The following WNT7A variants were observed in gnomAD, a reference collection of about 807,000 sequenced individuals.
The protein encoded by WNT7A is protein Wnt-7a.
WNT7A carries 16 observed loss-of-function variants against 28.2 expected under a neutral mutation model. The ratio of observed to expected loss-of-function variants is 0.57; its 90% CI spans 0.38 to 0.86. The LOEUF (loss-of-function observed/expected upper bound fraction) is 0.86. Ranked by LOEUF, WNT7A falls within the 40% of genes least tolerant of loss-of-function variation. The probability of loss-of-function intolerance (pLI) is 0.00; values close to 1 mark genes in which losing one functional copy is unlikely to be tolerated. For synonymous variants in WNT7A, 190 were observed against 195.9 expected (o/e 0.97, Z 0.25); for missense variants, 411 against 489.7 (o/e 0.84, Z 1.52).
At chr3:13,820,821 C>T (rs1694095680) in intron 3 of WNT7A, among the ~76,000 whole-genome samples, 1 of 152,196 alleles carries the variant, frequency 6.6e-6, no homozygotes, top group Admixed American at 6.5e-5. Context: ...AGAGCCACCA[C>T]ATTTCAACCT....
rs551003454 is a variant in WNT7A at position 13,852,859 on chromosome 3, T to G, written c.570+1673A>C. Among the ~76,000 whole-genome samples, 5 of 152,296 alleles carry G rather than the reference T, an allele frequency of 3.3e-5. No individual in the cohort carries two copies. The South Asian group carries it at 1.0e-3, about 32-fold the overall frequency. On this transcript the variant is annotated intron_variant, in intron 3 of 3. Coordinates refer to ENST00000285018, the MANE Select transcript of WNT7A (RefSeq NM_004625.4). ...GGAGTCCACAGTCCCACCTCTTGGC[T>G]CAGGAAATACATAGTGTCTGTAGAA...
intron 2 of WNT7A, among the ~76,000 whole-genome samples, chr3:13,860,286 A>G (rs1161515799): frequency 6.6e-6 from 1 of 152,142 alleles, no homozygotes; most frequent in African/African-American, 2.4e-5. Flanking sequence ...TCAAGGCCCA[A>G]GTTGGTCTGT....
chr3:13,877,294 C>T (rs911447428), intron 1 of WNT7A: 2 of 152,282 alleles, frequency 1.3e-5, no homozygotes, highest in Non-Finnish European at 1.5e-5. Flanking sequence ...GAGGTTGGGA[C>T]CTGGAGGAAG....
chr3:13,852,554 A>G (rs1490226091), intron 3 of WNT7A, among the ~76,000 whole-genome samples: 1 of 152,168 alleles, frequency 6.6e-6, no homozygotes, highest in Admixed American at 6.5e-5. Flanking sequence ...AGATGTGGAA[A>G]CTGAGGTCGC....
Position 13,875,045 on chromosome 3 carries a change from T to C in WNT7A, c.200A>G (p.Gln67Arg), listed in dbSNP as rs772391000. The C allele has an allele frequency of 1.9e-6, 3 of 1,614,242 alleles. No homozygotes were observed. In the South Asian group the frequency reaches 3.3e-5, roughly 18 times the overall value. Residue 67 changes from glutamine (Q) to arginine (R), a missense_variant, in exon 2 of 4, where the codon CAA (glutamine) becomes CGA (arginine). Transcript: ENST00000285018. Reference sequence around the variant, plus strand: ...AAACTGACACTCGTCCAGGCCCATTTGTGAGCCTTCTCCTATGACGATGAT... The same window carrying C: ...AAACTGACACTCGTCCAGGCCCATTCGTGAGCCTTCTCCTATGACGATGAT... ...DAIIVIGEGS[Q>R]MGLDECQFQF...
intron 3 of WNT7A, among the ~76,000 whole-genome samples, chr3:13,834,705 C>T (rs1451460299): frequency 6.6e-6 from 1 of 152,184 alleles, no homozygotes; most frequent in Admixed American, 6.5e-5. Flanking sequence ...CTCAGTGCTT[C>T]TAGCCTTTGC....
chr3:13,842,294 G>A (rs62234566), intron 3 of WNT7A, among the ~76,000 whole-genome samples: 57,544 of 151,858 alleles, frequency 0.38, 11,451 homozygotes, highest in African/African-American at 0.51. Flanking sequence ...CACTGCAGGG[G>A]AGAGATGCTG....
intron 1 of WNT7A, among the ~76,000 whole-genome samples, chr3:13,877,385 A>T (rs1695126138): frequency 6.6e-6 from 1 of 152,260 alleles, no homozygotes; most frequent in African/African-American, 2.4e-5. Flanking sequence ...TCTAACACAC[A>T]CTAGAATGCT....
intron 1 of WNT7A, among the ~76,000 whole-genome samples, chr3:13,878,372 T>A (rs915092091): frequency 2.0e-5 from 3 of 151,960 alleles, no homozygotes; most frequent in Admixed American, 6.5e-5. Context: ...GGATGCTGAA[T>A]GTGCGCGGGG....
intron 3 of WNT7A, among the ~76,000 whole-genome samples, chr3:13,839,020 G>C (rs1363088402): frequency 4.7e-5 from 7 of 150,272 alleles, no homozygotes; most frequent in African/African-American, 1.4e-4. Flanking sequence ...ATCAATATCA[G>C]ATAGATATTT....
At position 13,838,599 on chromosome 3, in the gene WNT7A, C is replaced by T. The variant is rs527748024; in HGVS notation, c.570+15933G>A. ...TGGCTCAGGCAGAGAACGGGAGGTA[C>T]CCGACTCACAGGAGGGAGCTGGGAA... is the stretch of plus-strand genomic sequence containing the variant. On this transcript the variant is annotated intron_variant, in intron 3 of 3. Coordinates refer to ENST00000285018, the MANE Select transcript of WNT7A (RefSeq NM_004625.4). Among the ~76,000 whole-genome samples the T allele has an allele frequency of 5.9e-5, 9 of 152,278 alleles. No homozygotes were observed. In the South Asian group the frequency reaches 1.9e-3, roughly 32 times the overall value.
intron 2 of WNT7A, among the ~76,000 whole-genome samples, chr3:13,867,030 G>C (rs998785107): frequency 2.0e-5 from 3 of 152,132 alleles, no homozygotes; most frequent in Non-Finnish European, 4.4e-5. Context: ...AGAAAATCTA[G>C]AGCATGGGTC....
rs1694053756 is a variant in WNT7A, at chr3:13,818,523, A to G, written c.*421T>C. 1 of 152,810 alleles carries G rather than the reference A, an allele frequency of 6.5e-6. No individual in the cohort carries two copies. Among genetic ancestry groups the G allele is most frequent in the Non-Finnish European group, 1.5e-5 (1 of 68,480 alleles). 9.5% of individuals were successfully genotyped at this position (152,810 alleles called of 1,614,324 possible). On this transcript the variant is annotated 3_prime_UTR_variant, in exon 4 of 4. Transcript: ENST00000285018. ...CTACACGGCTCCTTGTCCTAGCAAC[A>G]AAATCATCCTGCTAGGAAAGCAAGC...
rs1170640421 is a variant in WNT7A at position 13,817,019 on chromosome 3, AGGCTCAGTGTG to A, written c.*1914_*1924del. The A allele has an allele frequency of 6.6e-6, 1 of 152,236 alleles. No homozygotes were observed. Among genetic ancestry groups the A allele is most frequent in the Non-Finnish European group, 1.5e-5 (1 of 68,062 alleles). 9.4% of individuals were successfully genotyped at this position (152,236 alleles called of 1,614,324 possible). A position where few individuals can be genotyped will look rare whatever the true frequency, so the allele number is the denominator to read the frequency against. ...CTTTTATTTGCCCATGCTGTGATCC[AGGCTCAGTGTG>A]GACACTGAGGAGTCAGACACAGCCT... On this transcript the variant is annotated 3_prime_UTR_variant, in exon 4 of 4. Coordinates refer to ENST00000285018, the MANE Select transcript of WNT7A (RefSeq NM_004625.4).
intron 1 of WNT7A, among the ~76,000 whole-genome samples, chr3:13,878,825 C>A (rs774967581): frequency 6.6e-6 from 1 of 152,162 alleles, no homozygotes; most frequent in Non-Finnish European, 1.5e-5. Flanking sequence ...CCCCCCGCCC[C>A]CACACCGCTC....
intron 1 of WNT7A, among the ~76,000 whole-genome samples, 167 bp from the exon 2 acceptor site, chr3:13,875,340 T>C (rs1695095713): frequency 6.6e-6 from 1 of 152,210 alleles, no homozygotes; most frequent in South Asian, 2.1e-4. Context: ...AGAAACCCTA[T>C]AATTTCTACA....
At chr3:13,845,505 C>T (rs1048533595) in intron 3 of WNT7A, among the ~76,000 whole-genome samples, 2 of 152,234 alleles carry the variant, frequency 1.3e-5, no homozygotes, top group East Asian at 3.8e-4. Context: ...AGTTTAAATT[C>T]TTTTAATCAT....
rs1268516852 is a variant in WNT7A at position 13,879,961 on chromosome 3, C to T, written c.-145G>A. Reference sequence around the variant, plus strand: ...TGTCGGTGCGCCCGTCCGCGCGCTCCGCGCCTGAGCCTCGCCAGGAGCACG... The same window carrying T: ...TGTCGGTGCGCCCGTCCGCGCGCTCTGCGCCTGAGCCTCGCCAGGAGCACG... On this transcript the variant is annotated 5_prime_UTR_variant, in exon 1 of 4. Transcript: ENST00000285018. 2 of 531,750 alleles carry T rather than the reference C, an allele frequency of 3.8e-6. No individual in the cohort carries two copies. Among genetic ancestry groups the T allele is most frequent in the South Asian group, 8.4e-5 (1 of 11,870 alleles). 32.9% of individuals were successfully genotyped at this position (531,750 alleles called of 1,614,324 possible). A position where few individuals can be genotyped will look rare whatever the true frequency, so the allele number is the denominator to read the frequency against.
At chr3:13,872,491 C>G (rs909405214) in intron 2 of WNT7A, among the ~76,000 whole-genome samples, 9 of 152,156 alleles carry the variant, frequency 5.9e-5, no homozygotes, top group Admixed American at 6.5e-5. Context: ...TAAATTGACC[C>G]TGTATACCTC....
Sources: allele counts gnomAD v4.1 joint callset (sites outside exome capture counted in the v4.1 genomes callset), GRCh38; gene constraint gnomAD v4.1.1; transcripts MANE v1.5; gene names NCBI Gene and HGNC (gene_info 2026-07-23, HGNC 2026-07-21).